CCSER1: variants seen among roughly 807,000 people sequenced by gnomAD.
CCSER1 encodes coiled-coil serine rich protein 1, also known as serine-rich coiled-coil domain-containing protein 1.
A neutral mutation model predicts 82.0 loss-of-function variants in CCSER1; 41 were observed. The observed-to-expected ratio is 0.50, with a 90% CI of 0.39 to 0.65. The LOEUF is 0.65. CCSER1 is among the 30% of genes least tolerant of loss of function. CCSER1 has a pLI of 0.00. For missense variants in CCSER1, 1,119 were observed against 1,064.2 expected, an observed-to-expected ratio of 1.05 and a Z score of -0.72; for synonymous variants, 414 against 383.9, an observed-to-expected ratio of 1.08 and a Z score of -0.92.
chr4:91,205,555 T>A (rs1158194974), intron 10 of CCSER1, among the ~76,000 whole-genome samples: 1 of 151,694 alleles, frequency 6.6e-6, no homozygotes, highest in Non-Finnish European at 1.5e-5. Flanking sequence ...GTTTTCTTCT[T>A]AAATTTTCAC....
rs749304594 is a variant in CCSER1, at chr4:90,562,852, T to TTA, written c.1725-65173_1725-65172insTA. On this transcript the variant is annotated intron_variant, in intron 5 of 10. Transcript: ENST00000509176. ...CATGCCCAGCCTCCCTTTTTTTTTT[T>TTA]AAAAAAAAAAAAAAAGACCTAAAGA... Among the ~76,000 whole-genome samples the TTA allele has an allele frequency of 1.3e-3, 178 of 137,300 alleles. 1 individual carries two copies. Among genetic ancestry groups the TTA allele is most frequent in the African/African-American group, 4.3e-3 (160 of 37,586 alleles). The allele number at this position is 137,300 out of a possible 152,430, so 90.1% of individuals were successfully genotyped here.
intron 10 of CCSER1, among the ~76,000 whole-genome samples, chr4:91,568,055 C>T (rs1184400165): frequency 1.3e-5 from 2 of 152,000 alleles, no homozygotes; most frequent in African/African-American, 2.4e-5. Context: ...TAATGAATTC[C>T]TTCAAGATTT....
At chr4:90,144,737 G>A (rs189358791) in intron 1 of CCSER1, among the ~76,000 whole-genome samples, 268 of 152,206 alleles carry the variant, frequency 1.8e-3, no homozygotes, top group Non-Finnish European at 2.8e-3. Flanking sequence ...GCGAATTTCA[G>A]ATATTCAGAC....
chr4:90,211,673 A>G (rs1740025558), intron 1 of CCSER1, among the ~76,000 whole-genome samples: 1 of 152,206 alleles, frequency 6.6e-6, no homozygotes, highest in South Asian at 2.1e-4. Flanking sequence ...GTTTACCCTA[A>G]GAATCTTGGA....
intron 9 of CCSER1, among the ~76,000 whole-genome samples, chr4:91,081,193 CA>C (rs1316591129): frequency 1.3e-5 from 2 of 152,278 alleles, no homozygotes; most frequent in Non-Finnish European, 2.9e-5. Context: ...GGCAGCAAAT[CA>C]AAAAGCTTAT....
At chr4:90,484,474 T>G (rs963852223) in intron 5 of CCSER1, among the ~76,000 whole-genome samples, 1 of 152,218 alleles carries the variant, frequency 6.6e-6, no homozygotes, top group Non-Finnish European at 1.5e-5. Context: ...CTGGTTTTTC[T>G]GCTCTGTTTT....
In CCSER1 at chr4:90,692,045, A is replaced by G. The variant is rs1336492685; in HGVS notation, c.1933-31869A>G. 4.0e-4 allele frequency among the ~76,000 whole-genome samples: 8 copies of G among 20,052 alleles called. No individual in the cohort carries two copies. In the East Asian group the frequency reaches 4.2e-3, roughly 11 times the overall value. 13.2% of individuals were successfully genotyped at this position (20,052 alleles called of 152,430 possible). On this transcript the variant is annotated intron_variant, in intron 6 of 10. Coordinates refer to ENST00000509176, the MANE Select transcript of CCSER1 (RefSeq NM_001145065.2). ...TACAATTCAATGTGTGTATATATAT[A>G]TATATATATATATATATATATATAT...
At chr4:90,850,129 C>A (rs1341203615) in intron 8 of CCSER1, among the ~76,000 whole-genome samples, 1 of 152,174 alleles carries the variant, frequency 6.6e-6, no homozygotes, top group African/African-American at 2.4e-5. Context: ...ACCTTGGTGA[C>A]CTTCACATAG....
At chr4:91,454,641 G>A (rs1490236747) in intron 10 of CCSER1, among the ~76,000 whole-genome samples, 2 of 151,940 alleles carry the variant, frequency 1.3e-5, no homozygotes, top group African/African-American at 4.8e-5. Flanking sequence ...GTCTGAAACA[G>A]CTTGTTAACT....
At chr4:90,225,180 T>C in intron 1 of CCSER1, among the ~76,000 whole-genome samples, 1 of 151,550 alleles carries the variant, frequency 6.6e-6, no homozygotes, top group East Asian at 1.9e-4. Flanking sequence ...TCCTCCCAAC[T>C]TGGACTCCTG....
At chr4:90,293,144 G>A (rs935082865) in intron 1 of CCSER1, among the ~76,000 whole-genome samples, 2 of 151,628 alleles carry the variant, frequency 1.3e-5, no homozygotes, top group South Asian at 2.1e-4. Context: ...ACACTAATAT[G>A]TTTTCTACAA....
intron 10 of CCSER1, among the ~76,000 whole-genome samples, chr4:91,521,526 T>C (rs1760471170): frequency 6.6e-6 from 1 of 152,184 alleles, no homozygotes; most frequent in Non-Finnish European, 1.5e-5. Flanking sequence ...TTTCTCCAAA[T>C]CCTCTCCACC....
chr4:90,604,985 G>C (rs945642911), intron 5 of CCSER1, among the ~76,000 whole-genome samples: 1 of 146,972 alleles, frequency 6.8e-6, no homozygotes, highest in Admixed American at 6.7e-5. Flanking sequence ...AGCCAGCAGC[G>C]GCAACTGAGT....
chr4:91,310,191 A>G (rs567074401), intron 10 of CCSER1, among the ~76,000 whole-genome samples: 5 of 151,976 alleles, frequency 3.3e-5, no homozygotes, highest in Admixed American at 6.6e-5. Flanking sequence ...TCTGCATTCC[A>G]TGATTGTGGC....
At chr4:90,800,271 A>G (rs559717000) in intron 7 of CCSER1, among the ~76,000 whole-genome samples, 2 of 152,104 alleles carry the variant, frequency 1.3e-5, no homozygotes, top group East Asian at 3.9e-4. Context: ...TCTTCTTATC[A>G]TTATTATTTT....
At chr4:90,138,999 TATA>T (rs1724224319) in intron 1 of CCSER1, among the ~76,000 whole-genome samples, 1 of 152,238 alleles carries the variant, frequency 6.6e-6, no homozygotes, top group African/African-American at 2.4e-5. Context: ...CCTGTCCCCA[TATA>T]ATTGATGGTC....
chr4:91,385,636 G>T (rs1254089471), intron 10 of CCSER1, among the ~76,000 whole-genome samples: 2 of 150,274 alleles, frequency 1.3e-5, no homozygotes, highest in African/African-American at 4.9e-5. Flanking sequence ...AGGGGACATA[G>T]AAAAAGGAAA....
chr4:90,932,992 G>GAAAGAAAGAAAGAAAGAAAGAA (rs1730273161), intron 9 of CCSER1, among the ~76,000 whole-genome samples: 1 of 44,318 alleles, frequency 2.3e-5, no homozygotes, highest in Admixed American at 2.5e-4. Flanking sequence ...GAGAAAGAAA[G>GAAAGAAAGAAAGAAAGAAAGAA]AAAGAAAGAA....
intron 7 of CCSER1, among the ~76,000 whole-genome samples, chr4:90,805,670 T>C (rs1757412783): frequency 6.6e-6 from 1 of 152,166 alleles, no homozygotes; most frequent in Non-Finnish European, 1.5e-5. Flanking sequence ...TGGATAATTA[T>C]TGAATTAAGA....
Sources: allele counts gnomAD v4.1 joint callset (sites outside exome capture counted in the v4.1 genomes callset), GRCh38; gene constraint gnomAD v4.1.1; transcripts MANE v1.5; gene names NCBI Gene and HGNC (gene_info 2026-07-23, HGNC 2026-07-21).